Variants in POU2AF3 observed in about 807,000 individuals in gnomAD.
POU2AF3 encodes POU class 2 homeobox associating factor 3, also known as cancer susceptibility candidate 13.
the POU2AF3 span, chr11:111,306,558 C>A: frequency 1.3e-6 from 2 of 1,551,750 alleles, no homozygotes; most frequent in East Asian, 4.9e-5. Context: ...CAATTCCACA[C>A]AAAGTGCTCC....
the POU2AF3 span, chr11:111,298,826 G>GGGGGGGGGGGGCCCCC: frequency 1.3e-6 from 1 of 790,962 alleles, no homozygotes; most frequent in Non-Finnish European, 1.7e-6. Context: ...CGTACCCCAG[G>GGGGGGGGGGGGCCCCC]CCCCCGCCCG....
chr11:111,302,324 A>G, the POU2AF3 span, among the ~76,000 whole-genome samples: 5 of 152,216 alleles, frequency 3.3e-5, no homozygotes, highest in Non-Finnish European at 7.3e-5. Context: ...AGAGATGGTT[A>G]TATAATTAAC....
chr11:111,308,675 T>A, the POU2AF3 span: 1 of 351,996 alleles, frequency 2.8e-6, no homozygotes. Context: ...ATTGTTTTAC[T>A]TTTTGTATAA....
the POU2AF3 span, among the ~76,000 whole-genome samples, chr11:111,303,774 C>G: frequency 5.3e-5 from 8 of 151,994 alleles, no homozygotes; most frequent in Non-Finnish European, 7.4e-5. Context: ...CCCTGTGGCT[C>G]AGAGTATGGG....
At chr11:111,299,190 G>T in the POU2AF3 span, 2 of 968,458 alleles carry the variant, frequency 2.1e-6, no homozygotes, top group East Asian at 2.3e-4. Context: ...CGGCTTGAGG[G>T]GGATCCCTGC....
At chr11:111,308,092 C>T in the POU2AF3 span, 43 of 1,513,744 alleles carry the variant, frequency 2.8e-5, no homozygotes, top group Non-Finnish European at 3.5e-5. Context: ...CTTCAAATTC[C>T]TCCATTCTCT....
the POU2AF3 span, chr11:111,298,826 G>GCGGGGGGGGCCCCCC: frequency 6.3e-6 from 5 of 790,962 alleles, no homozygotes; most frequent in Non-Finnish European, 8.5e-6. Context: ...CGTACCCCAG[G>GCGGGGGGGGCCCCCC]CCCCCGCCCG....
At chr11:111,299,671 C>T in the POU2AF3 span, 8 of 1,230,678 alleles carry the variant, frequency 6.5e-6, no homozygotes, top group African/African-American at 6.2e-5. Context: ...TGCGCGGACT[C>T]GCCCCGGAGC....
the POU2AF3 span, chr11:111,300,462 C>A: frequency 2.7e-6 from 2 of 736,626 alleles, no homozygotes; most frequent in Non-Finnish European, 3.7e-6. Context: ...ATAAAAGGGG[C>A]CCCCACTCTG....
At chr11:111,305,537 T>C in the POU2AF3 span, among the ~76,000 whole-genome samples, 1 of 152,226 alleles carries the variant, frequency 6.6e-6, no homozygotes, top group East Asian at 1.9e-4. Context: ...AGGAAACCTC[T>C]GCCTATGGCC....
chr11:111,300,163 G>A, the POU2AF3 span: 2 of 350,996 alleles, frequency 5.7e-6, no homozygotes, highest in Non-Finnish European at 1.0e-5. Context: ...TCGGCTGTCT[G>A]GGTCTGAAAG....
the POU2AF3 span, chr11:111,308,058 C>T: frequency 7.4e-6 from 11 of 1,476,788 alleles, no homozygotes; most frequent in African/African-American, 1.4e-5. Flanking sequence ...TCTTGGTTGT[C>T]ATTTCTCTAG....
chr11:111,299,802 G>T, the POU2AF3 span: 2 of 1,075,796 alleles, frequency 1.9e-6, no homozygotes, highest in African/African-American at 3.3e-5. Flanking sequence ...CGCGGAAAAG[G>T]CGGAGAAAAG....
the POU2AF3 span, chr11:111,298,826 G>GGGGGGGGGGGCC: frequency 1.2e-4 from 94 of 790,930 alleles, no homozygotes; most frequent in Non-Finnish European, 1.4e-4. Flanking sequence ...CGTACCCCAG[G>GGGGGGGGGGGCC]CCCCCGCCCG....
chr11:111,300,939 AGAC>A, the POU2AF3 span, among the ~76,000 whole-genome samples: 1 of 152,194 alleles, frequency 6.6e-6, no homozygotes, highest in Non-Finnish European at 1.5e-5. Context: ...TTTGTTAGGA[AGAC>A]AGTGGATATA....
chr11:111,298,835 C>A, the POU2AF3 span: 28 of 824,916 alleles, frequency 3.4e-5, no homozygotes, highest in South Asian at 1.3e-4. Context: ...GGCCCCCGCC[C>A]GCCCTCCCAC....
the POU2AF3 span, chr11:111,298,826 G>GGGGGGGGGGGGGGCC: frequency 6.3e-6 from 5 of 790,960 alleles, no homozygotes; most frequent in Non-Finnish European, 8.5e-6. Context: ...CGTACCCCAG[G>GGGGGGGGGGGGGGCC]CCCCCGCCCG....
At chr11:111,307,687 G>A in the POU2AF3 span, among the ~76,000 whole-genome samples, 2 of 152,234 alleles carry the variant, frequency 1.3e-5, no homozygotes, top group Admixed American at 6.5e-5. Context: ...TTCATGGTGA[G>A]GGTGTGGAGA....
At chr11:111,307,612 A>G in the POU2AF3 span, among the ~76,000 whole-genome samples, 3 of 152,248 alleles carry the variant, frequency 2.0e-5, no homozygotes, top group Non-Finnish European at 4.4e-5. Context: ...ACATCTTGGC[A>G]TATGCCAGGG....
Sources: gnomAD v4.1 joint callset for allele counts (sites outside exome capture counted in the v4.1 genomes callset) on GRCh38, gnomAD v4.1.1 for gene constraint, MANE v1.5 for transcripts, NCBI Gene and HGNC (gene_info 2026-07-23, HGNC 2026-07-21) for gene names.